TBC1D9: variants seen among roughly 807,000 people sequenced by gnomAD.
TBC1D9 encodes the protein TBC1 domain family member 9.
In TBC1D9, 63 loss-of-function variants were observed where a neutral mutation model predicts 132.0. That is an observed-to-expected ratio of 0.48 (90% confidence interval 0.39 to 0.59). The LOEUF is 0.59. TBC1D9 is among the 20% of genes least tolerant of loss of function. The pLI is 0.00. For synonymous variants in TBC1D9, 610 were observed against 609.9 expected (o/e 1.00, Z 0.00); for missense variants, 1,261 against 1,592.7 (o/e 0.79, Z 3.54).
chr4:140,680,336 C>T (rs898528776), intron 3 of TBC1D9, among the ~76,000 whole-genome samples: 3 of 152,034 alleles, frequency 2.0e-5, no homozygotes, highest in Non-Finnish European at 4.4e-5. Flanking sequence ...CAGGGAAAAA[C>T]GAGTAATCAT....
intron 13 of TBC1D9, among the ~76,000 whole-genome samples, chr4:140,640,553 T>C (rs1042572220): frequency 1.3e-5 from 2 of 152,060 alleles, no homozygotes; most frequent in Non-Finnish European, 1.5e-5. Flanking sequence ...TTGGGAGACA[T>C]GAGGCCGTCT....
At chr4:140,697,828 A>G (rs186894720) in intron 2 of TBC1D9, among the ~76,000 whole-genome samples, 1 of 152,302 alleles carries the variant, frequency 6.6e-6, no homozygotes, top group Non-Finnish European at 1.5e-5. Context: ...GCAGAGGAAA[A>G]GTCACAGGAG....
chr4:140,712,449 A>ATTATATATATATATATATATATATATAT lies in TBC1D9; in HGVS notation c.131-10836_131-10835insATATATATATATATATATATATATATAA, dbSNP rs1738258914. Among the ~76,000 whole-genome samples, 6 of 102,706 alleles carry ATTATATATATATATATATATATATATAT rather than the reference A, an allele frequency of 5.8e-5. 1 individual carries two copies. The highest frequency in any genetic ancestry group is 2.9e-4 in the African/African-American group (6 of 20,646). 67.4% of individuals were successfully genotyped at this position (102,706 alleles called of 152,430 possible). On this transcript the variant is annotated intron_variant, in intron 1 of 20. Coordinates refer to ENST00000442267, the MANE Select transcript of TBC1D9 (RefSeq NM_015130.3). ...CTGAATATGCTCTTTAAAAAAAAAG[A>ATTATATATATATATATATATATATATAT]ATATATATATATGCCAGGTGCGGTG...
chr4:140,649,764 A>G (rs1012413342), intron 13 of TBC1D9, among the ~76,000 whole-genome samples: 1 of 152,118 alleles, frequency 6.6e-6, no homozygotes, highest in Non-Finnish European at 1.5e-5. Context: ...GGAGATGATA[A>G]GAAGAAACAA....
intron 6 of TBC1D9, among the ~76,000 whole-genome samples, chr4:140,671,563 AG>A (rs1237165769): frequency 2.6e-5 from 4 of 152,170 alleles, no homozygotes; most frequent in African/African-American, 4.8e-5. Flanking sequence ...TTTAGACTCC[AG>A]GGCTTTTCAT....
At chr4:140,721,912 C>T (rs1174154878) in intron 1 of TBC1D9, among the ~76,000 whole-genome samples, 1 of 152,146 alleles carries the variant, frequency 6.6e-6, no homozygotes, top group Non-Finnish European at 1.5e-5. Flanking sequence ...CTCATCTCGG[C>T]CTAGACCTTA....
chr4:140,658,719 G>A (rs1328144045), intron 11 of TBC1D9, among the ~76,000 whole-genome samples: 1 of 151,806 alleles, frequency 6.6e-6, no homozygotes, highest in Non-Finnish European at 1.5e-5. Context: ...ACTGAGGCAG[G>A]AGAATCACTT....
At chr4:140,669,981 G>A (rs975361344) in intron 7 of TBC1D9, among the ~76,000 whole-genome samples, 177 bp from the exon 8 acceptor site, 2 of 152,174 alleles carry the variant, frequency 1.3e-5, no homozygotes, top group Non-Finnish European at 2.9e-5. Flanking sequence ...TTAGACAGGT[G>A]GCTGGGTCCC....
intron 1 of TBC1D9, among the ~76,000 whole-genome samples, chr4:140,731,604 G>A (rs536346807): frequency 4.8e-4 from 73 of 152,030 alleles, no homozygotes; most frequent in Non-Finnish European, 6.6e-4. Context: ...AAGCTGTTGC[G>A]TGTCTTATAG....
In TBC1D9 at chr4:140,646,851, C is replaced by T. The variant is rs75862000; in HGVS notation, c.2338-7423G>A. ...AGGAAGTGCCTTCCAAAGGTGGAAT[C>T]AGATTCTTCTCAACAATGAAGATGC... On this transcript the variant is annotated intron_variant, in intron 13 of 20. Transcript: ENST00000442267. Among the ~76,000 whole-genome samples the T allele has an allele frequency of 1.5e-3, 227 of 152,312 alleles. 4 individuals carry two copies. The East Asian group carries it at 0.026, about 17-fold the overall frequency.
intron 1 of TBC1D9, among the ~76,000 whole-genome samples, chr4:140,752,437 G>A (rs564435921): frequency 1.9e-3 from 290 of 152,242 alleles, no homozygotes; most frequent in Middle Eastern, 3.4e-3. Context: ...TCAAGGAAGT[G>A]TTTACAAAAA....
intron 18 of TBC1D9, among the ~76,000 whole-genome samples, chr4:140,625,110 A>G (rs1736684641): frequency 1.3e-5 from 2 of 152,072 alleles, no homozygotes; most frequent in African/African-American, 4.8e-5. Context: ...AAAAAATGGT[A>G]GTGCTTGCCC....
rs1280588400 is a variant in TBC1D9, at chr4:140,706,041, T to C, written c.131-4427A>G. On this transcript the variant is annotated intron_variant, in intron 1 of 20. Coordinates refer to ENST00000442267, the MANE Select transcript of TBC1D9 (RefSeq NM_015130.3). This position sits in a 1 kb window ranked among gnomAD's most constrained non-coding sequence, Gnocchi z 4.0. ...GTTGTGGGCACTGGAAGATGTGTGA[T>C]GCACAGTCACCACTGCACAACTGCA... Among the ~76,000 whole-genome samples the C allele has an allele frequency of 6.6e-6, 1 of 152,218 alleles. No homozygotes were observed. The highest frequency in any genetic ancestry group is 1.5e-5 in the Non-Finnish European group (1 of 68,038).
At chr4:140,716,183 GT>G (rs1437943612) in intron 1 of TBC1D9, 1 of 152,144 alleles carries the variant, frequency 6.6e-6, no homozygotes, top group Non-Finnish European at 1.5e-5. Context: ...CTTGAAACCT[GT>G]TTTGAAAAAC....
intron 1 of TBC1D9, among the ~76,000 whole-genome samples, chr4:140,733,673 A>T (rs1173836395): frequency 6.6e-6 from 1 of 152,198 alleles, no homozygotes; most frequent in Non-Finnish European, 1.5e-5. Context: ...GTGTCCTTGA[A>T]TGAAGTCTTC....
In TBC1D9 at chr4:140,639,432, T is replaced by C; in HGVS notation, c.2338-4A>G. ...CTGCCCGGATAGTTCCGAATTTCTG[T>C]AAAGGAGCAATATTGGTGTCTCTGA... On this transcript the variant is annotated splice_region_variant and splice_polypyrimidine_tract_variant and intron_variant, in intron 13 of 20. Transcript: ENST00000442267. The C allele has an allele frequency of 2.5e-6, 4 of 1,601,836 alleles. No homozygotes were observed. Among genetic ancestry groups the C allele is most frequent in the Non-Finnish European group, 3.4e-6 (4 of 1,172,252 alleles).
chr4:140,745,981 T>C (rs1481738503), intron 1 of TBC1D9, among the ~76,000 whole-genome samples: 1 of 152,222 alleles, frequency 6.6e-6, no homozygotes, highest in Non-Finnish European at 1.5e-5. Context: ...AAAGTCTCCC[T>C]AGTTGTGGAG....
chr4:140,644,668 C>CA (rs1737072495), intron 13 of TBC1D9: 1 of 418,988 alleles, frequency 2.4e-6, no homozygotes, highest in Non-Finnish European at 4.6e-6. Flanking sequence ...CTGGGCCGCC[C>CA]GCTGCTGCAG....
intron 1 of TBC1D9, among the ~76,000 whole-genome samples, chr4:140,754,457 C>CA (rs1054226015): frequency 1.4e-4 from 21 of 150,426 alleles, no homozygotes; most frequent in Non-Finnish European, 2.4e-4. Flanking sequence ...ATTAAAAATA[C>CA]AAAAAAAATT....
Sources: gnomAD v4.1 joint callset for allele counts (sites outside exome capture counted in the v4.1 genomes callset) on GRCh38, gnomAD v4.1.1 for gene constraint, Gnocchi (gnomAD v3.1) non-coding constraint, MANE v1.5 for transcripts, NCBI Gene and HGNC (gene_info 2026-07-23, HGNC 2026-07-21) for gene names.